The following ACTR1A variants were observed in gnomAD, a reference collection of about 807,000 sequenced individuals.
ACTR1A encodes actin related protein 1A, also known as alpha-centractin.
In ACTR1A, 10 loss-of-function variants were observed where a neutral mutation model predicts 50.7. That is an observed-to-expected ratio of 0.20 (90% CI 0.12 to 0.33). The LOEUF is 0.33. Ranked by LOEUF, ACTR1A falls within the 10% of genes least tolerant of loss-of-function variation. The pLI is 1.00. For synonymous variants in ACTR1A, 177 were observed against 184.2 expected (o/e 0.96, Z 0.32); for missense variants, 253 against 491.7 (o/e 0.51, Z 4.59).
At chr10:102,481,661 G>T (rs1428569368) in intron 9 of ACTR1A, among the ~76,000 whole-genome samples, 176 bp downstream of exon 9, 1 of 152,186 alleles carries the variant, frequency 6.6e-6, no homozygotes, top group African/African-American at 2.4e-5. Flanking sequence ...TGAGAACTCA[G>T]CCTCCCTGTG....
At chr10:102,498,299 G>C (rs2062231849) in intron 1 of ACTR1A, among the ~76,000 whole-genome samples, 1 of 151,152 alleles carries the variant, frequency 6.6e-6, no homozygotes, top group African/African-American at 2.4e-5. Context: ...GAATTTTTCT[G>C]TGTGTTTAAA....
intron 1 of ACTR1A, among the ~76,000 whole-genome samples, chr10:102,494,956 G>A (rs1454979395): frequency 1.3e-5 from 2 of 152,012 alleles, no homozygotes; most frequent in African/African-American, 4.8e-5. Context: ...TGTTACAGGT[G>A]TGCGCCACCA....
chr10:102,479,715 CA>C lies in ACTR1A; in HGVS notation c.*1147del. 7.8e-7 allele frequency: 1 copy of C among 1,276,760 alleles called. No homozygotes were observed. Among genetic ancestry groups the C allele is most frequent in the Non-Finnish European group, 1.0e-6 (1 of 978,552 alleles). 79.1% of individuals were successfully genotyped at this position (1,276,760 alleles called of 1,614,324 possible). A position where few individuals can be genotyped will look rare whatever the true frequency, so the allele number is the denominator to read the frequency against. ...CTAGTCCCCTGGTCAGCTACAGTGG[CA>C]AAAGGCAACTTGGTAAATTGCAGCT... On this transcript the variant is annotated 3_prime_UTR_variant, in exon 11 of 11. Transcript: ENST00000369905. This position sits in a 1 kb window ranked among gnomAD's most constrained non-coding sequence, Gnocchi z 4.0.
chr10:102,495,708 G>A (rs982597020), intron 1 of ACTR1A, among the ~76,000 whole-genome samples: 1 of 150,626 alleles, frequency 6.6e-6, no homozygotes, highest in Non-Finnish European at 1.5e-5. Flanking sequence ...TAGCCTGGGC[G>A]ACAGAGACAG....
At chr10:102,485,754 G>C in intron 4 of ACTR1A, 21 bp from the exon 5 acceptor site, 1 of 1,613,342 alleles carries the variant, frequency 6.2e-7, no homozygotes, top group Non-Finnish European at 8.5e-7. Flanking sequence ...GAGCCCGGGA[G>C]ACAATGAGGC....
At chr10:102,499,834 GTAAC>G (rs1441741392) in intron 1 of ACTR1A, among the ~76,000 whole-genome samples, 1 of 152,210 alleles carries the variant, frequency 6.6e-6, no homozygotes, top group East Asian at 1.9e-4. Flanking sequence ...ATTATCTGCA[GTAAC>G]TAACTAGAGA....
chr10:102,495,428 G>A (rs1036374716), intron 1 of ACTR1A, among the ~76,000 whole-genome samples: 1 of 151,976 alleles, frequency 6.6e-6, no homozygotes, highest in Non-Finnish European at 1.5e-5. Context: ...AATTAGCCGG[G>A]TGAAGTGGTG....
intron 1 of ACTR1A, among the ~76,000 whole-genome samples, chr10:102,492,196 G>C (rs989798434): frequency 6.7e-6 from 1 of 148,964 alleles, no homozygotes; most frequent in Non-Finnish European, 1.5e-5. Context: ...TCAGCCTCCT[G>C]AATAGCTGGG....
chr10:102,489,572 G>C (rs2062182928), intron 2 of ACTR1A, among the ~76,000 whole-genome samples: 1 of 152,202 alleles, frequency 6.6e-6, no homozygotes, highest in African/African-American at 2.4e-5. Context: ...CCAGCACTTT[G>C]GGAGGCTGAG....
intron 1 of ACTR1A, 88 bp downstream of exon 1, chr10:102,502,493 GGCCGGGCCAGTGACAAAGA>G: frequency 7.9e-7 from 1 of 1,271,334 alleles, no homozygotes; most frequent in Non-Finnish European, 1.1e-6. Context: ...GCGCCTGACA[GGCCGGGCCAGTGACAAAGA>G]GCCGGCGGCT....
In ACTR1A at chr10:102,482,780, T is replaced by TAAAA; in HGVS notation, c.750+227_750+230dup. On this transcript the variant is annotated intron_variant, in intron 7 of 10. Coordinates refer to ENST00000369905, the MANE Select transcript of ACTR1A (RefSeq NM_005736.4). The surrounding 1 kb of genome is among the most constrained non-coding windows in gnomAD (Gnocchi z 5.6). ...CTAACACTAATGACAGCTGCTGAGC[T>TAAAA]AAAAAAAAAAATTGCAAAAGAATCT... The TAAAA allele has an allele frequency of 2.1e-6, 1 of 482,002 alleles. No homozygotes were observed. Among genetic ancestry groups the TAAAA allele is most frequent in the Non-Finnish European group, 3.7e-6 (1 of 267,466 alleles). The allele number at this position is 482,002 out of a possible 1,614,324, so 29.9% of individuals were successfully genotyped here.
At chr10:102,500,745 A>G (rs1297577564) in intron 1 of ACTR1A, among the ~76,000 whole-genome samples, 4 of 151,560 alleles carry the variant, frequency 2.6e-5, no homozygotes, top group Non-Finnish European at 4.4e-5. Context: ...TGACAAAGCG[A>G]GATCCTGTTC....
chr10:102,486,820 C>T (rs1235256545), intron 4 of ACTR1A, among the ~76,000 whole-genome samples: 5 of 150,146 alleles, frequency 3.3e-5, no homozygotes, highest in Non-Finnish European at 5.9e-5. Context: ...AGGTCTCACT[C>T]TGTCACCAGG....
At chr10:102,493,793 G>A (rs1196668349) in intron 1 of ACTR1A, among the ~76,000 whole-genome samples, 1 of 152,248 alleles carries the variant, frequency 6.6e-6, no homozygotes, top group Non-Finnish European at 1.5e-5. Context: ...GATGCTGGCT[G>A]AGTAAAATTA....
At chr10:102,486,251 G>C (rs1419472602) in intron 4 of ACTR1A, among the ~76,000 whole-genome samples, 1 of 152,144 alleles carries the variant, frequency 6.6e-6, no homozygotes, top group African/African-American at 2.4e-5. Context: ...CTCCTTATGA[G>C]AATTGAATGC....
At chr10:102,496,056 C>T (rs7475806) in intron 1 of ACTR1A, among the ~76,000 whole-genome samples, 53,424 of 152,020 alleles carry the variant, frequency 0.35, 9,541 homozygotes, top group African/African-American at 0.39. Context: ...TGCCATTCTC[C>T]TGCCTCAGCC....
intron 2 of ACTR1A, among the ~76,000 whole-genome samples, chr10:102,489,542 G>A (rs760964430): frequency 7.9e-5 from 12 of 152,138 alleles, no homozygotes; most frequent in Non-Finnish European, 1.2e-4. Flanking sequence ...GGCTGGGCTC[G>A]ATGGCTCACA....
intron 1 of ACTR1A, 127 bp downstream of exon 1, chr10:102,502,473 G>A: frequency 2.0e-6 from 2 of 996,880 alleles, no homozygotes; most frequent in South Asian, 2.8e-5. Flanking sequence ...GGAGGCGGCG[G>A]TGGCTGAACG....
chr10:102,485,498 C>T (rs2135581434), intron 5 of ACTR1A, 111 bp downstream of exon 5: 2 of 1,444,508 alleles, frequency 1.4e-6, no homozygotes, highest in Non-Finnish European at 1.9e-6. Context: ...TTAACCTTTC[C>T]CTAGCAGAGG....
Sources: allele counts gnomAD v4.1 joint callset (sites outside exome capture counted in the v4.1 genomes callset), GRCh38; gene constraint gnomAD v4.1.1; non-coding constraint Gnocchi (gnomAD v3.1); transcripts MANE v1.5; gene names NCBI Gene and HGNC (gene_info 2026-07-23, HGNC 2026-07-21).